Variants in AVEN observed in about 807,000 individuals in gnomAD.
The protein encoded by AVEN is cell death regulator Aven.
Under a neutral mutation model 38.1 loss-of-function variants are expected in AVEN, and 41 were observed. That is an observed-to-expected ratio of 1.08 (90% CI 0.84 to 1.40). The LOEUF is 1.40. Among genes scored for constraint, AVEN ranks in the 40% most tolerant of loss-of-function variants. The pLI, the probability that AVEN is intolerant of heterozygous loss-of-function variation, is 0.00. For missense variants in AVEN, 605 were observed against 438.8 expected (o/e 1.38, Z -3.38); for synonymous variants, 206 against 171.8 (o/e 1.20, Z -1.56).
At position 33,860,645 on chromosome 15, in the gene AVEN, C is replaced by G. The variant is rs780612075; in HGVS notation, n.2730-1551G>C. The stretch of plus-strand genomic sequence containing the variant: ...GCTAAGAGACCAGCAGGAACAAGTA[C>G]GAGAAGATATGGAGGTAATGTTACT... On this transcript the variant is annotated intron_variant and non_coding_transcript_variant, in intron 11 of 11. Coordinates refer to the AVEN transcript ENST00000675287. 9 of 1,591,996 alleles carry G rather than the reference C, an allele frequency of 5.7e-6. No individual in the cohort carries two copies. In the Admixed American group the frequency reaches 1.4e-4, roughly 25 times the overall value.
intron 1 of AVEN, among the ~76,000 whole-genome samples, chr15:34,014,639 A>G (rs1897803517): frequency 2.6e-5 from 4 of 152,190 alleles, no homozygotes; most frequent in Admixed American, 2.6e-4. Flanking sequence ...GATGGGATCA[A>G]TGCAGCATCT....
intron 2 of AVEN, among the ~76,000 whole-genome samples, chr15:33,916,304 G>A (rs191162121): frequency 6.6e-6 from 1 of 152,332 alleles, no homozygotes. Context: ...ACTGGAGCAA[G>A]TGCTGGTATC....
chr15:33,980,004 T>C (rs1168882647), intron 2 of AVEN, among the ~76,000 whole-genome samples: 1 of 152,174 alleles, frequency 6.6e-6, no homozygotes, highest in Non-Finnish European at 1.5e-5. Flanking sequence ...CAGCTCACTT[T>C]TTCACTATGA....
At chr15:33,916,220 C>T (rs1039870127) in intron 2 of AVEN, among the ~76,000 whole-genome samples, 3 of 152,180 alleles carry the variant, frequency 2.0e-5, no homozygotes, top group Admixed American at 2.0e-4. Flanking sequence ...GGCCAACCAA[C>T]ACAAAACTTG....
intron 2 of AVEN, among the ~76,000 whole-genome samples, chr15:33,887,306 T>C (rs189404206): frequency 6.6e-6 from 1 of 152,310 alleles, no homozygotes; most frequent in East Asian, 1.9e-4. Context: ...CACTAAACCA[T>C]GAGTTGTCTC....
At chr15:33,905,276 A>G (rs1406083979) in intron 2 of AVEN, among the ~76,000 whole-genome samples, 1 of 152,106 alleles carries the variant, frequency 6.6e-6, no homozygotes, top group African/African-American at 2.4e-5. Flanking sequence ...GCTGTTCACT[A>G]CTTACTTGCT....
intron 2 of AVEN, among the ~76,000 whole-genome samples, chr15:33,893,733 A>C (rs1364827888): frequency 6.6e-6 from 1 of 152,142 alleles, no homozygotes; most frequent in Non-Finnish European, 1.5e-5. Context: ...GTGATAGGAA[A>C]AGCAGAAAGG....
intron 2 of AVEN, among the ~76,000 whole-genome samples, chr15:33,936,788 TAAGACCGTACTATTGGTAGAA>T (rs1894073813): frequency 1.3e-5 from 2 of 152,188 alleles, no homozygotes. Flanking sequence ...CTTTAATAAT[TAAGACCGTACTATTGGTAGAA>T]TTAAAGACAA....
At chr15:33,865,140 GTCTGGAAGATGTAC>G, downstream of AVEN, 1 of 1,612,788 alleles carries the variant, frequency 6.2e-7, no homozygotes, top group South Asian at 1.1e-5. Context: ...GGAATCTTAT[GTCTGGAAGATGTAC>G]CAAGAAAGGT....
the AVEN span, chr15:33,851,903 C>T: frequency 6.6e-6 from 1 of 152,208 alleles, no homozygotes; most frequent in Admixed American, 6.5e-5. Flanking sequence ...TTATTTTCAT[C>T]CCCCAGAGAT....
intron 4 of AVEN, chr15:34,064,612 A>G (rs1597396932): frequency 2.7e-6 from 1 of 372,060 alleles, no homozygotes. Context: ...CTGGGTAACA[A>G]TGAACAGTGA....
At chr15:33,868,933 G>T (rs903846448) in intron 4 of AVEN, among the ~76,000 whole-genome samples, 1 of 152,134 alleles carries the variant, frequency 6.6e-6, no homozygotes, top group Admixed American at 6.5e-5. Flanking sequence ...GTAATACAAG[G>T]TTATAATCTA....
At chr15:33,915,523 T>C (rs1893103354) in intron 2 of AVEN, among the ~76,000 whole-genome samples, 1 of 152,196 alleles carries the variant, frequency 6.6e-6, no homozygotes, top group South Asian at 2.1e-4. Flanking sequence ...CTGTGGGCTC[T>C]TGGTCCCCAG....
chr15:33,950,858 T>G (rs1405763775), intron 2 of AVEN, among the ~76,000 whole-genome samples: 2 of 151,958 alleles, frequency 1.3e-5, no homozygotes, highest in African/African-American at 4.8e-5. Context: ...ATAATAATAA[T>G]TAGCAAGGCA....
At chr15:33,934,935 G>C (rs1894001924) in intron 2 of AVEN, among the ~76,000 whole-genome samples, 1 of 152,184 alleles carries the variant, frequency 6.6e-6, no homozygotes, top group African/African-American at 2.4e-5. Context: ...AAGTAAAGGA[G>C]ATAGCACACT....
chr15:33,891,999 CGT>C (rs1191464036), intron 2 of AVEN, among the ~76,000 whole-genome samples: 4 of 152,168 alleles, frequency 2.6e-5, no homozygotes, highest in African/African-American at 9.6e-5. Flanking sequence ...AGCATTTTTT[CGT>C]GTGTCTGTTG....
intron 2 of AVEN, among the ~76,000 whole-genome samples, chr15:33,878,717 T>C (rs925470983): frequency 3.3e-5 from 5 of 152,160 alleles, no homozygotes; most frequent in African/African-American, 1.2e-4. Context: ...AATCTAATAA[T>C]ATATTAGATC....
At chr15:33,903,440 C>G (rs535688865) in intron 2 of AVEN, among the ~76,000 whole-genome samples, 1 of 152,222 alleles carries the variant, frequency 6.6e-6, no homozygotes, top group Admixed American at 6.5e-5. Flanking sequence ...GTAAGCTGCC[C>G]AAAATACTTT....
intron 11 of AVEN, chr15:33,860,962 C>T (rs1298942413): frequency 4.8e-6 from 4 of 836,584 alleles, no homozygotes; most frequent in Non-Finnish European, 7.8e-6. Context: ...TGACTAATAG[C>T]CAAAAGCATT....
Sources: gnomAD v4.1 joint callset for allele counts (sites outside exome capture counted in the v4.1 genomes callset) on GRCh38, gnomAD v4.1.1 for gene constraint, MANE v1.5 for transcripts, NCBI Gene and HGNC (gene_info 2026-07-23, HGNC 2026-07-21) for gene names.